CC2D1A: variants seen among roughly 807,000 people sequenced by gnomAD.
The protein encoded by CC2D1A is coiled-coil and C2 domain-containing protein 1A.
In CC2D1A, 68 loss-of-function variants were observed where a neutral mutation model predicts 123.8. The ratio of observed to expected loss-of-function variants is 0.55; its 90% CI spans 0.45 to 0.67. The LOEUF (loss-of-function observed/expected upper bound fraction) is 0.67, where lower values mean the gene tolerates loss of function less well. CC2D1A is among the 30% of genes least tolerant of loss of function. CC2D1A has a pLI of 0.00. For missense variants in CC2D1A, 1,185 were observed against 1,290.3 expected (o/e 0.92, Z 1.25); for synonymous variants, 477 against 528.0 (o/e 0.90, Z 1.32).
intron 21 of CC2D1A, 24 bp from the exon 22 acceptor site, chr19:13,927,151 C>A: frequency 1.2e-6 from 2 of 1,612,870 alleles, no homozygotes; most frequent in Non-Finnish European, 1.7e-6. Flanking sequence ...CCATCCTGTC[C>A]CCACTATACA....
chr19:13,926,026 G>A (rs1253716023), intron 17 of CC2D1A, among the ~76,000 whole-genome samples: 1 of 81,846 alleles, frequency 1.2e-5, no homozygotes, highest in African/African-American at 7.6e-5. Flanking sequence ...GTATATATAT[G>A]TGTATATATA....
intron 1 of CC2D1A, 127 bp from the exon 2 acceptor site, chr19:13,909,695 TC>T: frequency 8.0e-7 from 1 of 1,242,848 alleles, no homozygotes; most frequent in Admixed American, 1.7e-5. Flanking sequence ...CTCCTGGCAC[TC>T]CCCAGGGAAA....
In CC2D1A at chr19:13,926,671, G is replaced by A. The variant is rs1469603638; in HGVS notation, c.2019G>A (p.Leu673=). 6.2e-7 allele frequency: 1 copy of A among 1,614,172 alleles called. No homozygotes were observed. The highest frequency in any genetic ancestry group is 2.2e-5 in the East Asian group (1 of 44,870). The change falls in exon 19 of 29, where the codon CTG becomes CTA. Residue 673 remains leucine, a synonymous_variant. Coordinates refer to ENST00000318003, the MANE Select transcript of CC2D1A (RefSeq NM_017721.5). ...CTGACCGTTGTTTGCCCACAGGACT[G>A]TCCCCTGGCGATCTGGATGTCTTTG... ...KGINLPTPPG[L]SPGDLDVFVR...
intron 24 of CC2D1A, 68 bp from the exon 25 acceptor site, chr19:13,929,311 G>A (rs1438944057): frequency 6.5e-7 from 1 of 1,531,524 alleles, no homozygotes; most frequent in Non-Finnish European, 9.0e-7. Context: ...AGCCCAGTGT[G>A]TCTTTTGAAT....
In CC2D1A at chr19:13,913,290, T is replaced by G. The variant is rs1407698947; in HGVS notation, c.501T>G (p.Asp167Glu). 1 of 1,612,654 alleles carries G rather than the reference T, an allele frequency of 6.2e-7. No homozygotes were observed. ...ACAGCGCCAAGATGCGGCGCTACGA[T>G]CGGGGGCTTAAAGTAAGTGGGCAGA... ...AGDSAKMRRY[D>E]RGLKTLENLL... The change falls in exon 5 of 29, where the codon GAT (aspartate) becomes GAG (glutamate). Residue 167 changes from aspartate (D) to glutamate (E), a missense_variant. Transcript: ENST00000318003.
intron 6 of CC2D1A, among the ~76,000 whole-genome samples, chr19:13,913,856 T>TGATAAAATATATGATA (rs1443726342): frequency 1.3e-5 from 2 of 152,164 alleles, no homozygotes; most frequent in Non-Finnish European, 2.9e-5. Context: ...TGATAAAATA[T>TGATAAAATATATGATA]AGATCACATT....
In CC2D1A at chr19:13,926,542, G is replaced by C; in HGVS notation, c.1966G>C (p.Asp656His). Reference protein sequence around the residue: ...IKIFPDLSSNDMLLFIVKGIN... With the variant: ...IKIFPDLSSNHMLLFIVKGIN... ...GATCTTCCCTGACCTCAGCAGCAAC[G>C]ACATGCTCCTCTTCATCGTGAAGGG... Residue 656 changes from aspartate to histidine, a missense_variant, in exon 18 of 29, where the codon GAC (aspartate) becomes CAC (histidine). Coordinates refer to ENST00000318003, the MANE Select transcript of CC2D1A (RefSeq NM_017721.5). The C allele has an allele frequency of 6.2e-7, 1 of 1,614,088 alleles. No individual in the cohort carries two copies. Among genetic ancestry groups the C allele is most frequent in the South Asian group, 1.1e-5 (1 of 91,062 alleles).
chr19:13,908,015 TTG>T (rs1359106934), intron 1 of CC2D1A, among the ~76,000 whole-genome samples: 1 of 152,146 alleles, frequency 6.6e-6, no homozygotes, highest in Non-Finnish European at 1.5e-5. Context: ...TTTTGTTTGT[TTG>T]TTTTTGAGAC....
chr19:13,912,289 C>A (rs1160056574), intron 2 of CC2D1A, 34 bp from the exon 3 acceptor site: 1 of 1,559,688 alleles, frequency 6.4e-7, no homozygotes, highest in Non-Finnish European at 8.7e-7. Context: ...TGGTGTACGA[C>A]CCTGGTCCAC....
Position 13,923,777 on chromosome 19 carries a change from G to T in CC2D1A, c.1906G>T (p.Ala636Ser). 10 of 1,613,960 alleles carry T rather than the reference G, an allele frequency of 6.2e-6. No homozygotes were observed. Among genetic ancestry groups the T allele is most frequent in the Non-Finnish European group, 8.5e-6 (10 of 1,179,894 alleles). ...CGTCCGGGGTCTCCCCACGCCCACC[G>T]CCCGCTTTGAGCAAAGGACCTTCAG... ...AFVRGLPTPT[A>S]RFEQRTFSVI... Residue 636 changes from alanine (A) to serine (S), a missense_variant, in exon 17 of 29, where the codon GCC becomes TCC. Physicochemically the swap from Ala to Ser is moderately conservative, Grantham distance 99 (BLOSUM62 1). Transcript: ENST00000318003. This position sits in a 1 kb window ranked among gnomAD's most constrained non-coding sequence, Gnocchi z 5.3.
chr19:13,910,777 G>A (rs1970972090), intron 2 of CC2D1A, among the ~76,000 whole-genome samples: 1 of 152,130 alleles, frequency 6.6e-6, no homozygotes, highest in Non-Finnish European at 1.5e-5. Context: ...CAAGCTTGGT[G>A]GCGAACACCT....
At position 13,906,511 on chromosome 19, in the gene CC2D1A, C is replaced by G; in HGVS notation, c.60+10C>G. The G allele has an allele frequency of 2.0e-6, 3 of 1,477,898 alleles. No homozygotes were observed. Among genetic ancestry groups the G allele is most frequent in the Non-Finnish European group, 2.7e-6 (3 of 1,117,664 alleles). 91.5% of individuals were successfully genotyped at this position (1,477,898 alleles called of 1,614,324 possible). Reference sequence around the variant, plus strand: ...CGCGGCCGCCCGCCAGGTGAGTTTGCGCCCCACGGCCCGACCTGGGGATCC... The same window carrying G: ...CGCGGCCGCCCGCCAGGTGAGTTTGGGCCCCACGGCCCGACCTGGGGATCC... On this transcript the variant is annotated intron_variant, in intron 1 of 28. Transcript: ENST00000318003. The surrounding 1 kb of genome is among the most constrained non-coding windows in gnomAD (Gnocchi z 4.1).
rs1220906511 is a variant in CC2D1A, at chr19:13,918,167, T to C, written c.846T>C (p.Ala282=). Residue 282 remains alanine (A), a synonymous_variant, in exon 7 of 29, where the codon GCT becomes GCC. Coordinates refer to ENST00000318003, the MANE Select transcript of CC2D1A (RefSeq NM_017721.5). Reference sequence around the variant, plus strand: ...CCAAGCAGCAGGGAGATACCACTGCTGCCGCTAGACACTTCCGCGTGGCTA... The same window carrying C: ...CCAAGCAGCAGGGAGATACCACTGCCGCCGCTAGACACTTCCGCGTGGCTA... ...LHAKQQGDTT[A]AARHFRVAKS... is the part of the protein sequence containing the mutation. 1 of 1,605,586 alleles carries C rather than the reference T, an allele frequency of 6.2e-7. No individual in the cohort carries two copies. Among genetic ancestry groups the C allele is most frequent in the Non-Finnish European group, 8.5e-7 (1 of 1,177,184 alleles).
chr19:13,921,016 G>T (rs1555734689), intron 14 of CC2D1A, 94 bp downstream of exon 14: 4 of 1,218,372 alleles, frequency 3.3e-6, no homozygotes, highest in South Asian at 1.6e-5. Context: ...TATTAGTCAA[G>T]GTCCAGCTGC....
Position 13,906,367 on chromosome 19 carries a change from G to T in CC2D1A, c.-75G>T. The T allele has an allele frequency of 7.9e-7, 1 of 1,265,560 alleles. No individual in the cohort carries two copies. The highest frequency in any genetic ancestry group is 2.7e-5 in the Admixed American group (1 of 37,218). 78.4% of individuals were successfully genotyped at this position (1,265,560 alleles called of 1,614,324 possible). The stretch of plus-strand genomic sequence containing the variant: ...CAGGACTCAGGAAGGGCGAGTGCGC[G>T]GCGACAGAGCCCGGGGAAGGAGGCA... On this transcript the variant is annotated 5_prime_UTR_variant, in exon 1 of 29. Coordinates refer to ENST00000318003, the MANE Select transcript of CC2D1A (RefSeq NM_017721.5). This position sits in a 1 kb window ranked among gnomAD's most constrained non-coding sequence, Gnocchi z 4.1.
At chr19:13,925,972 A>ATGTATATATATACACACATATATGTG (rs1568418582) in intron 17 of CC2D1A, among the ~76,000 whole-genome samples, 2 of 105,384 alleles carry the variant, frequency 1.9e-5, no homozygotes, top group African/African-American at 9.0e-5. Context: ...ACGTATATAT[A>ATGTATATATATACACACATATATGTG]TGTGTATATA....
chr19:13,927,797 C>A (rs555407165), intron 22 of CC2D1A, 96 bp from the exon 23 acceptor site: 641 of 993,208 alleles, frequency 6.5e-4, no homozygotes, highest in Non-Finnish European at 7.3e-4. Context: ...AAAAAAAAAC[C>A]AAAAAAAAAA....
chr19:13,928,657 G>A (rs183985038), intron 24 of CC2D1A, among the ~76,000 whole-genome samples: 13 of 151,456 alleles, frequency 8.6e-5, no homozygotes, highest in Admixed American at 2.6e-4. Flanking sequence ...CAGTAACACC[G>A]GGTGGTTCTC....
At position 13,928,043 on chromosome 19, in the gene CC2D1A, A is replaced by G; in HGVS notation, c.2454+13A>G. ...AGCTGTGCCCACAGTGAGACCCCCC[A>G]CCCCCACCCATCAGCAACCCCAGGG... On this transcript the variant is annotated intron_variant, in intron 23 of 28. Coordinates refer to ENST00000318003, the MANE Select transcript of CC2D1A (RefSeq NM_017721.5). The G allele has an allele frequency of 1.4e-5, 13 of 954,690 alleles. No homozygotes were observed. The highest frequency in any genetic ancestry group is 1.9e-5 in the Non-Finnish European group (13 of 683,280). The allele number at this position is 954,690 out of a possible 1,614,324, so 59.1% of individuals were successfully genotyped here.
Sources: gnomAD v4.1 joint callset for allele counts (sites outside exome capture counted in the v4.1 genomes callset) on GRCh38, gnomAD v4.1.1 for gene constraint, Gnocchi (gnomAD v3.1) non-coding constraint, MANE v1.5 for transcripts, NCBI Gene and HGNC (gene_info 2026-07-23, HGNC 2026-07-21) for gene names.